The following AEBP2 variants were observed in gnomAD, a reference collection of about 807,000 sequenced individuals.
AEBP2 encodes the protein zinc finger protein AEBP2.
Under a neutral mutation model 50.8 loss-of-function variants are expected in AEBP2, and 10 were observed. The observed-to-expected ratio is 0.20, with a 90% CI of 0.12 to 0.33. The LOEUF (loss-of-function observed/expected upper bound fraction) is 0.33. Among genes scored for constraint, AEBP2 ranks in the 10% least tolerant of loss-of-function variants. The pLI is 1.00. For missense variants in AEBP2, 570 were observed against 688.0 expected (o/e 0.83, Z 1.92); for synonymous variants, 296 against 261.3 (o/e 1.13, Z -1.28).
At chr12:19,461,360 A>G (rs987624825) in intron 1 of AEBP2, among the ~76,000 whole-genome samples, 4 of 152,222 alleles carry the variant, frequency 2.6e-5, no homozygotes. Flanking sequence ...ACATTTTATT[A>G]AGATGTGAAT....
At chr12:19,427,486 C>T (rs990666742) in intron 1 of AEBP2, among the ~76,000 whole-genome samples, 2 of 151,482 alleles carry the variant, frequency 1.3e-5, no homozygotes, top group South Asian at 2.1e-4. Flanking sequence ...GACTCTGGGA[C>T]TTATACCAGT....
At chr12:19,467,513 C>G (rs113693652) in intron 2 of AEBP2, among the ~76,000 whole-genome samples, 1 of 151,940 alleles carries the variant, frequency 6.6e-6, no homozygotes, top group East Asian at 1.9e-4. Context: ...CGCCTAGTCT[C>G]GAACACCTGA....
chr12:19,472,241 A>G (rs143061646), intron 2 of AEBP2, among the ~76,000 whole-genome samples: 1 of 152,238 alleles, frequency 6.6e-6, no homozygotes, highest in African/African-American at 2.4e-5. Context: ...TTCTATATGT[A>G]TGTAGTATAT....
At position 19,492,040 on chromosome 12, in the gene AEBP2, G is replaced by A. The variant is rs73339344; in HGVS notation, c.988-1760G>A. On this transcript the variant is annotated intron_variant, in intron 3 of 7. Transcript: ENST00000266508. Reference sequence around the variant, plus strand: ...GATTGAAGGAAAGAGCCTGAGGCATGTGATTTTTTTAAATGCTATTATCTA... The same window carrying A: ...GATTGAAGGAAAGAGCCTGAGGCATATGATTTTTTTAAATGCTATTATCTA... Among the ~76,000 whole-genome samples, 775 of 152,246 alleles carry A rather than the reference G, an allele frequency of 5.1e-3. 5 individuals carry two copies. Among genetic ancestry groups the A allele is most frequent in the African/African-American group, 0.014 (600 of 41,546 alleles).
chr12:19,519,482 A>G lies in AEBP2; in HGVS notation c.*1365A>G, dbSNP rs1004142756. 4 of 152,580 alleles carry G rather than the reference A, an allele frequency of 2.6e-5. No homozygotes were observed. The highest frequency in any genetic ancestry group is 2.6e-4 in the Admixed American group (4 of 15,282). The allele number at this position is 152,580 out of a possible 1,614,324, so 9.5% of individuals were successfully genotyped here. A position where few individuals can be genotyped will look rare whatever the true frequency, so the allele number is the denominator to read the frequency against. On this transcript the variant is annotated 3_prime_UTR_variant, in exon 8 of 8. Transcript: ENST00000266508. The stretch of plus-strand genomic sequence containing the variant: ...AGTCTTTGAGGGAGGACCTATACCC[A>G]TAATAGAATTATGGCACTCATTTCT...
At chr12:19,417,142 G>A (rs1475306836) in intron 1 of AEBP2, among the ~76,000 whole-genome samples, 1 of 152,024 alleles carries the variant, frequency 6.6e-6, no homozygotes, top group Non-Finnish European at 1.5e-5. Flanking sequence ...AAAGTGCTGG[G>A]ATTACAGGCG....
intron 3 of AEBP2, among the ~76,000 whole-genome samples, chr12:19,483,782 T>C (rs766247415): frequency 2.6e-5 from 4 of 152,240 alleles, no homozygotes; most frequent in African/African-American, 7.2e-5. Flanking sequence ...TCTTGTCTTA[T>C]TGTTACAAAT....
intron 1 of AEBP2, among the ~76,000 whole-genome samples, chr12:19,410,810 A>G (rs2095738882): frequency 6.6e-6 from 1 of 152,222 alleles, no homozygotes; most frequent in Non-Finnish European, 1.5e-5. Context: ...CGGGAGCAGG[A>G]AACATTTGTA....
chr12:19,444,330 A>G, intron 1 of AEBP2, among the ~76,000 whole-genome samples: 1 of 152,254 alleles, frequency 6.6e-6, no homozygotes, highest in Non-Finnish European at 1.5e-5. Context: ...AAAATAGAAG[A>G]CAGTCTCAAG....
chr12:19,440,539 C>G lies in AEBP2; in HGVS notation c.671+169C>G, dbSNP rs7312357. On this transcript the variant is annotated intron_variant, in intron 1 of 7. Transcript: ENST00000266508. ...CTCGCCGTCGCCGCCGCGCCCCTCT[C>G]GCAGCGCATCGCGGCTTCCAACTCT... The G allele has an allele frequency of 9.8e-5, 135 of 1,373,424 alleles. No individual in the cohort carries two copies. The African/African-American group carries it at 1.6e-3, about 17-fold the overall frequency. The allele number at this position is 1,373,424 out of a possible 1,614,324, so 85.1% of individuals were successfully genotyped here. A position where few individuals can be genotyped will look rare whatever the true frequency, so the allele number is the denominator to read the frequency against.
intron 3 of AEBP2, among the ~76,000 whole-genome samples, chr12:19,491,413 T>C (rs1948893470): frequency 6.6e-6 from 1 of 152,216 alleles, no homozygotes; most frequent in African/African-American, 2.4e-5. Context: ...TAGGCCTTAC[T>C]GTACTCCTTT....
At chr12:19,450,260 A>G (rs1018507375) in intron 1 of AEBP2, among the ~76,000 whole-genome samples, 2 of 152,002 alleles carry the variant, frequency 1.3e-5, no homozygotes. Context: ...TGATGTTGTC[A>G]TTGTTAGGCT....
intron 3 of AEBP2, among the ~76,000 whole-genome samples, chr12:19,481,658 T>C (rs1035504881): frequency 4.6e-5 from 7 of 152,108 alleles, no homozygotes; most frequent in Admixed American, 3.3e-4. Context: ...TTTGTATTTT[T>C]AGTAGAGACG....
At chr12:19,431,010 T>TAA (rs34747616) in intron 1 of AEBP2, among the ~76,000 whole-genome samples, 4,180 of 135,834 alleles carry the variant, frequency 0.031, 99 homozygotes, top group Middle Eastern at 0.051. Context: ...AGACCCTGTC[T>TAA]AAAAAAAAAA....
intron 6 of AEBP2, among the ~76,000 whole-genome samples, chr12:19,514,234 A>G (rs1268984171): frequency 6.6e-6 from 1 of 151,996 alleles, no homozygotes; most frequent in African/African-American, 2.4e-5. Flanking sequence ...TCCTGGGCTC[A>G]AGTTATCTTC....
chr12:19,460,631 C>T (rs1183807462), intron 1 of AEBP2, among the ~76,000 whole-genome samples: 5 of 150,398 alleles, frequency 3.3e-5, no homozygotes, highest in Middle Eastern at 3.5e-3. Context: ...GGATTATAGG[C>T]GTGAGCCACC....
chr12:19,460,073 G>C (rs958841292), intron 1 of AEBP2, among the ~76,000 whole-genome samples: 1 of 152,126 alleles, frequency 6.6e-6, no homozygotes, highest in Non-Finnish European at 1.5e-5. Context: ...GTTGGCCATA[G>C]TGGTGCACAC....
chr12:19,413,091 G>C, intron 1 of AEBP2: 2 of 604,088 alleles, frequency 3.3e-6, no homozygotes, highest in Non-Finnish European at 6.1e-6. Flanking sequence ...GGAGCCAGCA[G>C]CAGCCGGGCC....
At chr12:19,480,321 T>A (rs1592753722) in intron 3 of AEBP2, among the ~76,000 whole-genome samples, 1 of 152,202 alleles carries the variant, frequency 6.6e-6, no homozygotes, top group South Asian at 2.1e-4. Flanking sequence ...GCCAGGCTGG[T>A]CTTGAATTCC....
Sources: allele counts gnomAD v4.1 joint callset (sites outside exome capture counted in the v4.1 genomes callset), GRCh38; gene constraint gnomAD v4.1.1; transcripts MANE v1.5; gene names NCBI Gene and HGNC (gene_info 2026-07-23, HGNC 2026-07-21).